The following GPM6A variants were observed in gnomAD, a reference collection of about 807,000 sequenced individuals.
GPM6A encodes neuronal membrane glycoprotein M6-a.
GPM6A carries 7 observed loss-of-function variants against 32.1 expected under a neutral mutation model. The observed-to-expected ratio is 0.22, with a 90% confidence interval of 0.12 to 0.41. GPM6A has a LOEUF of 0.41. Ranked by LOEUF, GPM6A falls within the 10% of genes least tolerant of loss-of-function variation. GPM6A has a pLI of 1.00. For missense variants in GPM6A, 235 were observed against 347.2 expected (o/e 0.68, Z 2.57); for synonymous variants, 130 against 123.4 (o/e 1.05, Z -0.35).
At chr4:175,926,132 G>A (rs1025773908) in intron 1 of GPM6A, among the ~76,000 whole-genome samples, 6 of 152,182 alleles carry the variant, frequency 3.9e-5, no homozygotes, top group African/African-American at 9.6e-5. Flanking sequence ...GATTACAGAC[G>A]TGAGCCACCG....
At chr4:176,002,164 C>CG (rs540461410) in intron 1 of GPM6A, 2 of 827,404 alleles carry the variant, frequency 2.4e-6, no homozygotes, top group Admixed American at 2.1e-5. Context: ...GACAAGAGGG[C>CG]GGGGGGCGGG....
chr4:175,773,849 A>G (rs1733287743), intron 1 of GPM6A, among the ~76,000 whole-genome samples: 1 of 152,204 alleles, frequency 6.6e-6, no homozygotes, highest in Non-Finnish European at 1.5e-5. Flanking sequence ...TTAAGAACAA[A>G]GACTGTTTTT....
intron 1 of GPM6A, among the ~76,000 whole-genome samples, chr4:175,947,277 T>G (rs1739639666): frequency 6.6e-6 from 1 of 152,050 alleles, no homozygotes; most frequent in Non-Finnish European, 1.5e-5. Flanking sequence ...TTTGAACATT[T>G]AGCATTAGAA....
At chr4:175,939,331 T>C (rs906327183) in intron 1 of GPM6A, among the ~76,000 whole-genome samples, 1 of 152,204 alleles carries the variant, frequency 6.6e-6, no homozygotes, top group Non-Finnish European at 1.5e-5. Context: ...GTTTCATTCC[T>C]GGAGTATTTA....
At chr4:175,836,627 A>G (rs1300725122) in intron 1 of GPM6A, among the ~76,000 whole-genome samples, 5 of 152,186 alleles carry the variant, frequency 3.3e-5, no homozygotes, top group African/African-American at 4.8e-5. Flanking sequence ...AGTGCAGAAT[A>G]AAAAGAACCA....
At chr4:175,800,297 C>G (rs1337256193) in intron 1 of GPM6A, among the ~76,000 whole-genome samples, 2 of 152,168 alleles carry the variant, frequency 1.3e-5, no homozygotes, top group East Asian at 3.8e-4. Flanking sequence ...ATACCCAAAT[C>G]TAGGTAGAGG....
chr4:175,686,679 C>A (rs1053384674), intron 2 of GPM6A, among the ~76,000 whole-genome samples: 2 of 152,192 alleles, frequency 1.3e-5, no homozygotes, highest in Admixed American at 6.5e-5. Context: ...AGGTGTCTGG[C>A]CTCTCCAACT....
chr4:175,978,264 GAAGT>G (rs1364914005), intron 1 of GPM6A, among the ~76,000 whole-genome samples: 1 of 152,188 alleles, frequency 6.6e-6, no homozygotes, highest in Non-Finnish European at 1.5e-5. Context: ...GCAGGAGAGA[GAAGT>G]AATAGAAGGG....
chr4:175,648,840 C>G (rs1034497162), intron 4 of GPM6A, among the ~76,000 whole-genome samples: 6 of 152,194 alleles, frequency 3.9e-5, no homozygotes, highest in African/African-American at 4.8e-5. Context: ...TGTGATTACA[C>G]TGGGCCCATC....
At chr4:175,760,226 T>C (rs1412882022) in intron 1 of GPM6A, among the ~76,000 whole-genome samples, 1 of 152,014 alleles carries the variant, frequency 6.6e-6, no homozygotes, top group East Asian at 1.9e-4. Context: ...AATAAATACA[T>C]CTAAAACGCT....
At chr4:175,727,598 G>A (rs1326941413) in intron 1 of GPM6A, among the ~76,000 whole-genome samples, 1 of 152,142 alleles carries the variant, frequency 6.6e-6, no homozygotes, top group African/African-American at 2.4e-5. Flanking sequence ...ATTTGCCATG[G>A]ATTTGTGTCT....
chr4:175,932,030 G>A (rs376839343), intron 1 of GPM6A, among the ~76,000 whole-genome samples: 2 of 151,162 alleles, frequency 1.3e-5, no homozygotes, highest in African/African-American at 4.9e-5. Flanking sequence ...AGGAATTCAA[G>A]GCTTCAGTGA....
intron 1 of GPM6A, among the ~76,000 whole-genome samples, chr4:175,757,630 G>C (rs760888592): frequency 1.3e-5 from 2 of 152,128 alleles, no homozygotes; most frequent in African/African-American, 2.4e-5. Context: ...AGCAAGGAAT[G>C]TAACAACCCA....
intron 1 of GPM6A, among the ~76,000 whole-genome samples, chr4:175,907,944 A>G (rs929853209): frequency 2.0e-5 from 3 of 152,286 alleles, no homozygotes; most frequent in African/African-American, 7.2e-5. Context: ...CCATAAACCT[A>G]CGATGGGTAA....
At chr4:175,710,260 T>C (rs946913248) in intron 1 of GPM6A, among the ~76,000 whole-genome samples, 6 of 152,144 alleles carry the variant, frequency 3.9e-5, no homozygotes, top group Non-Finnish European at 8.8e-5. Context: ...TCTAATGTTT[T>C]AATGTGGAAA....
intron 1 of GPM6A, among the ~76,000 whole-genome samples, chr4:175,922,484 G>C (rs1738700561): frequency 6.6e-6 from 1 of 152,130 alleles, no homozygotes; most frequent in Non-Finnish European, 1.5e-5. Flanking sequence ...CCTTATTCTT[G>C]TATGTAGATA....
At chr4:175,816,062 A>C (rs1735090690), upstream of GPM6A, among the ~76,000 whole-genome samples, 1 of 152,136 alleles carries the variant, frequency 6.6e-6, no homozygotes, top group Non-Finnish European at 1.5e-5. Context: ...ATGGTGGTGC[A>C]CACCTATAGT....
chr4:175,666,455 C>G (rs374223038), intron 3 of GPM6A, among the ~76,000 whole-genome samples: 8 of 151,420 alleles, frequency 5.3e-5, no homozygotes, highest in African/African-American at 1.9e-4. Context: ...AAGGCAGAGT[C>G]AAAAAAAATG....
At chr4:175,920,572 G>T (rs1738632907) in intron 1 of GPM6A, among the ~76,000 whole-genome samples, 1 of 152,124 alleles carries the variant, frequency 6.6e-6, no homozygotes, top group Non-Finnish European at 1.5e-5. Context: ...ATACGGCTGG[G>T]CGTGGTGGCT....
Sources: allele counts gnomAD v4.1 joint callset (sites outside exome capture counted in the v4.1 genomes callset), GRCh38; gene constraint gnomAD v4.1.1; transcripts MANE v1.5; gene names NCBI Gene and HGNC (gene_info 2026-07-23, HGNC 2026-07-21).